CEP19: variants seen among roughly 807,000 people sequenced by gnomAD.
CEP19 encodes centrosomal protein of 19 kDa.
CEP19 carries 14 observed loss-of-function variants against 17.5 expected under a neutral mutation model. The ratio of observed to expected loss-of-function variants is 0.80; its 90% CI spans 0.53 to 1.25. The LOEUF is 1.25. Among genes scored for constraint, CEP19 ranks in the 50% most tolerant of loss-of-function variants. The probability of loss-of-function intolerance (pLI) is 0.00; values close to 1 mark genes in which losing one functional copy is unlikely to be tolerated. For synonymous variants in CEP19, 59 were observed against 65.5 expected (o/e 0.90, Z 0.48); for missense variants, 193 against 192.0 (o/e 1.01, Z -0.03).
Position 196,707,629 on chromosome 3 carries a change from A to G in CEP19, c.414T>C (p.Tyr138=), listed in dbSNP as rs777135398. 1.2e-6 allele frequency: 2 copies of G among 1,613,936 alleles called. No individual in the cohort carries two copies. The highest frequency in any genetic ancestry group is 1.7e-5 in the Admixed American group (1 of 59,986). Residue 138 remains tyrosine (Y), a synonymous_variant, in exon 3 of 3, where the codon TAT becomes TAC. Transcript: ENST00000409690. ...CCTGTGGAAATTCAACCTCAATGTC[A>G]TAAACAAAATTTGGATCATCCTTCT... is the stretch of plus-strand genomic sequence containing the variant. ...QKKKDDPNFV[Y]DIEVEFPQDD...
In CEP19 at chr3:196,708,516, G is replaced by A; in HGVS notation, c.130+12C>T. ...ATATTTAAGACAGGAGGCAAGATAAGACATGAGGTACCTGAAAACTTTGAA... is the reference window on the plus strand; with the variant it reads ...ATATTTAAGACAGGAGGCAAGATAAAACATGAGGTACCTGAAAACTTTGAA... On this transcript the variant is annotated intron_variant, in intron 2 of 2. Coordinates refer to ENST00000409690, the MANE Select transcript of CEP19 (RefSeq NM_032898.5). 6.2e-7 allele frequency: 1 copy of A among 1,613,540 alleles called. No homozygotes were observed. The highest frequency in any genetic ancestry group is 8.5e-7 in the Non-Finnish European group (1 of 1,179,498).
At chr3:196,709,996 C>T (rs1372714495) in intron 1 of CEP19, among the ~76,000 whole-genome samples, 2 of 152,104 alleles carry the variant, frequency 1.3e-5, no homozygotes, top group African/African-American at 4.8e-5. Context: ...GAGGGGAAAC[C>T]TATAGAAAAT....
chr3:196,711,918 G>A lies in CEP19; in HGVS notation c.-71+11C>T, dbSNP rs1206732313. On this transcript the variant is annotated intron_variant, in intron 1 of 2. Coordinates refer to ENST00000409690, the MANE Select transcript of CEP19 (RefSeq NM_032898.5). ...CTCACGTCTCCACTAGTGCAAGGCT[G>A]GCTTTCTTACCCTTAGAGGAATACA... is the stretch of plus-strand genomic sequence containing the variant. 2.8e-6 allele frequency: 2 copies of A among 717,464 alleles called. No individual in the cohort carries two copies. Among genetic ancestry groups the A allele is most frequent in the Admixed American group, 2.0e-5 (1 of 50,022 alleles). The allele number at this position is 717,464 out of a possible 1,614,324, so 44.4% of individuals were successfully genotyped here.
In CEP19 at chr3:196,708,699, A is replaced by G; in HGVS notation, c.-42T>C. The stretch of plus-strand genomic sequence containing the variant: ...GGGTAAGTCAGAGGAAATCTGATGA[A>G]TATGTGTAAGTTGCATAATGACTTC... On this transcript the variant is annotated 5_prime_UTR_variant, in exon 2 of 3. Coordinates refer to ENST00000409690, the MANE Select transcript of CEP19 (RefSeq NM_032898.5). The G allele has an allele frequency of 1.2e-6, 2 of 1,605,130 alleles. No individual in the cohort carries two copies. Among genetic ancestry groups the G allele is most frequent in the East Asian group, 2.2e-5 (1 of 44,712 alleles).
Position 196,711,987 on chromosome 3 carries a change from G to C in CEP19, c.-129C>G. 1 of 717,416 alleles carries C rather than the reference G, an allele frequency of 1.4e-6. No homozygotes were observed. Among genetic ancestry groups the C allele is most frequent in the Non-Finnish European group, 2.6e-6 (1 of 385,060 alleles). 44.4% of individuals were successfully genotyped at this position (717,416 alleles called of 1,614,324 possible). A position where few individuals can be genotyped will look rare whatever the true frequency, so the allele number is the denominator to read the frequency against. ...GGCCAACGTCTAAACAACCAGGAGT[G>C]GGTTTTTCCACCCAACCGCAGTGCA... On this transcript the variant is annotated 5_prime_UTR_variant, in exon 1 of 3. Transcript: ENST00000409690.
At position 196,707,117 on chromosome 3, in the gene CEP19, G is replaced by C. The variant is rs1340113815; in HGVS notation, c.*434C>G. 2 of 147,326 alleles carry C rather than the reference G, an allele frequency of 1.4e-5. No individual in the cohort carries two copies. The highest frequency in any genetic ancestry group is 5.1e-5 in the African/African-American group (2 of 38,880). The allele number at this position is 147,326 out of a possible 1,614,324, so 9.1% of individuals were successfully genotyped here. ...GCGATCTCGGCTCACTGCAACCTCAGCCTCCCAGGTTCAAGCGAATCTCCT... is the reference window on the plus strand; with the variant it reads ...GCGATCTCGGCTCACTGCAACCTCACCCTCCCAGGTTCAAGCGAATCTCCT... On this transcript the variant is annotated 3_prime_UTR_variant, in exon 3 of 3. Coordinates refer to ENST00000409690, the MANE Select transcript of CEP19 (RefSeq NM_032898.5).
At chr3:196,710,317 G>A (rs1207845580) in intron 1 of CEP19, among the ~76,000 whole-genome samples, 10 of 152,158 alleles carry the variant, frequency 6.6e-5, no homozygotes, top group African/African-American at 2.4e-5. Flanking sequence ...GTCAAGGTGG[G>A]CAGATCATTT....
Position 196,711,964 on chromosome 3 carries a change from CCAA to C in CEP19, c.-109_-107del. 1 of 717,482 alleles carries C rather than the reference CCAA, an allele frequency of 1.4e-6. No individual in the cohort carries two copies. The highest frequency in any genetic ancestry group is 1.5e-5 in the South Asian group (1 of 67,608). The allele number at this position is 717,482 out of a possible 1,614,324, so 44.4% of individuals were successfully genotyped here. On this transcript the variant is annotated 5_prime_UTR_variant, in exon 1 of 3. Coordinates refer to ENST00000409690, the MANE Select transcript of CEP19 (RefSeq NM_032898.5). Reference sequence around the variant, plus strand: ...ATACAGAAATGACATCGTCTGCAGGCCAACGTCTAAACAACCAGGAGTGGGTTT... The same window carrying C: ...ATACAGAAATGACATCGTCTGCAGGCCGTCTAAACAACCAGGAGTGGGTTT...
chr3:196,707,286 C>T lies in CEP19; in HGVS notation c.*265G>A, dbSNP rs564268574. The T allele has an allele frequency of 2.6e-6, 1 of 381,350 alleles. No individual in the cohort carries two copies. The highest frequency in any genetic ancestry group is 2.1e-5 in the African/African-American group (1 of 47,826). 23.6% of individuals were successfully genotyped at this position (381,350 alleles called of 1,614,324 possible). A position where few individuals can be genotyped will look rare whatever the true frequency, so the allele number is the denominator to read the frequency against. ...CCTTAGGTGATCCACCCGCCTCAGC[C>T]TCCCAAAGTGCTGGGATTACAGGCG... On this transcript the variant is annotated 3_prime_UTR_variant, in exon 3 of 3. Transcript: ENST00000409690.
rs1711530994 is a variant in CEP19 at position 196,706,779 on chromosome 3, TCTC to T, written c.*769_*771del. The T allele has an allele frequency of 7.4e-6, 1 of 135,204 alleles. No homozygotes were observed. The highest frequency in any genetic ancestry group is 1.7e-5 in the Non-Finnish European group (1 of 60,116). The allele number at this position is 135,204 out of a possible 1,614,324, so 8.4% of individuals were successfully genotyped here. ...TTTCTTGTCCCTTTACTACTTCCCC[TCTC>T]CTTCTTTTCAGTTGCTCTTATCAGG... On this transcript the variant is annotated 3_prime_UTR_variant, in exon 3 of 3. Transcript: ENST00000409690.
Position 196,711,786 on chromosome 3 carries a change from C to T in CEP19, c.-71+143G>A, listed in dbSNP as rs1194085775. 1.7e-5 allele frequency: 11 copies of T among 653,796 alleles called. No homozygotes were observed. In the African/African-American group the frequency reaches 1.8e-4, roughly 11 times the overall value. 40.5% of individuals were successfully genotyped at this position (653,796 alleles called of 1,614,324 possible). A position where few individuals can be genotyped will look rare whatever the true frequency, so the allele number is the denominator to read the frequency against. Reference sequence around the variant, plus strand: ...TTTATCCAATTATTCTTCCTGGACACGAATACTCCTCTCCCCAGAGATCAG... The same window carrying T: ...TTTATCCAATTATTCTTCCTGGACATGAATACTCCTCTCCCCAGAGATCAG... On this transcript the variant is annotated intron_variant, in intron 1 of 2. Transcript: ENST00000409690.
Position 196,707,505 on chromosome 3 carries a change from A to C in CEP19, c.*46T>G. 6.5e-7 allele frequency: 1 copy of C among 1,544,756 alleles called. No homozygotes were observed. The highest frequency in any genetic ancestry group is 1.3e-5 in the South Asian group (1 of 79,898). ...TTCTTCCAGAACCAGTCTGGTAATA[A>C]ACATGGATATTCTGCTAGCCCAATG... On this transcript the variant is annotated 3_prime_UTR_variant, in exon 3 of 3. Transcript: ENST00000409690.
Position 196,707,447 on chromosome 3 carries a change from C to T in CEP19, c.*104G>A. 1 of 1,295,722 alleles carries T rather than the reference C, an allele frequency of 7.7e-7. No homozygotes were observed. Among genetic ancestry groups the T allele is most frequent in the Non-Finnish European group, 1.1e-6 (1 of 944,784 alleles). 80.3% of individuals were successfully genotyped at this position (1,295,722 alleles called of 1,614,324 possible). ...TTTGAAAAGTAACATGGTCAATCCC[C>T]TATAACCCAACATATTTAGTATTCT... is the stretch of plus-strand genomic sequence containing the variant. On this transcript the variant is annotated 3_prime_UTR_variant, in exon 3 of 3. Transcript: ENST00000409690.
At chr3:196,708,845 A>AT (rs79412711) in intron 1 of CEP19, 118 bp from the exon 2 acceptor site, 42,268 of 571,124 alleles carry the variant, frequency 0.074, 5,962 homozygotes, top group East Asian at 0.54. Context: ...TGTGAAACTC[A>AT]TTTTTTTTAA....
chr3:196,711,252 C>A (rs1260851723), intron 1 of CEP19, among the ~76,000 whole-genome samples: 1 of 152,140 alleles, frequency 6.6e-6, no homozygotes, highest in East Asian at 1.9e-4. Context: ...GGGAGCCAGA[C>A]TGAATTTTAA....
chr3:196,708,521 G>T lies in CEP19; in HGVS notation c.130+7C>A. ...TAAGACAGGAGGCAAGATAAGACAT[G>T]AGGTACCTGAAAACTTTGAAAAGTT... On this transcript the variant is annotated splice_region_variant and intron_variant, in intron 2 of 2. Transcript: ENST00000409690. 1 of 1,613,712 alleles carries T rather than the reference G, an allele frequency of 6.2e-7. No homozygotes were observed. Among genetic ancestry groups the T allele is most frequent in the Non-Finnish European group, 8.5e-7 (1 of 1,179,628 alleles).
rs1159801699 is a variant in CEP19, at chr3:196,706,393, T to C, written c.*1158A>G. On this transcript the variant is annotated 3_prime_UTR_variant, in exon 3 of 3. Transcript: ENST00000409690. ...TGTATCAAATCACAGATAATGTTGT[T>C]AAACGAAGATGCTGTCTTGCAGATC... is the stretch of plus-strand genomic sequence containing the variant. The C allele has an allele frequency of 6.6e-6, 1 of 152,242 alleles. No homozygotes were observed. The highest frequency in any genetic ancestry group is 6.5e-5 in the Admixed American group (1 of 15,280). 9.4% of individuals were successfully genotyped at this position (152,242 alleles called of 1,614,324 possible).
intron 1 of CEP19, among the ~76,000 whole-genome samples, chr3:196,709,144 G>A (rs1337569827): frequency 6.6e-6 from 1 of 152,114 alleles, no homozygotes; most frequent in East Asian, 1.9e-4. Context: ...GATCGAATAT[G>A]AACCCCTAAG....
At chr3:196,710,857 A>AAC (rs1326376326) in intron 1 of CEP19, among the ~76,000 whole-genome samples, 5 of 150,312 alleles carry the variant, frequency 3.3e-5, no homozygotes, top group African/African-American at 9.7e-5. Flanking sequence ...AAAAAAAAAA[A>AAC]AAAAAAAAAA....
Sources: gnomAD v4.1 joint callset for allele counts (sites outside exome capture counted in the v4.1 genomes callset) on GRCh38, gnomAD v4.1.1 for gene constraint, MANE v1.5 for transcripts, NCBI Gene and HGNC (gene_info 2026-07-23, HGNC 2026-07-21) for gene names.